The following GABRA1 variants were observed in gnomAD, a reference collection of about 807,000 sequenced individuals.
GABRA1 encodes the protein gamma-aminobutyric acid receptor subunit alpha-1.
A neutral mutation model predicts 48.9 loss-of-function variants in GABRA1; 9 were observed. That is an observed-to-expected ratio of 0.18 (90% CI 0.11 to 0.32). The LOEUF (loss-of-function observed/expected upper bound fraction) is 0.32, where lower values mean the gene tolerates loss of function less well. GABRA1 is among the 10% of genes least tolerant of loss of function. The pLI is 1.00. For synonymous variants in GABRA1, 210 were observed against 198.7 expected, an observed-to-expected ratio of 1.06 and a Z score of -0.48; for missense variants, 285 against 553.8, an observed-to-expected ratio of 0.51 and a Z score of 4.87.
In GABRA1 at chr5:161,865,151, A is replaced by G. The variant is rs180793863; in HGVS notation, c.188-570A>G. ...TTAAGTGAACTTTTTCTGTGCCATA[A>G]TATGTTCTTCTCATCCTGAAAATTG... is the stretch of plus-strand genomic sequence containing the variant. On this transcript the variant is annotated intron_variant, in intron 3 of 9. Transcript: ENST00000393943. Among the ~76,000 whole-genome samples the G allele has an allele frequency of 3.3e-5, 5 of 152,234 alleles. No homozygotes were observed. In the East Asian group the frequency reaches 7.7e-4, roughly 24 times the overall value.
Position 161,897,494 on chromosome 5 carries a change from C to A in GABRA1, c.*72C>A. On this transcript the variant is annotated 3_prime_UTR_variant, in exon 10 of 10. Coordinates refer to ENST00000393943, the MANE Select transcript of GABRA1 (RefSeq NM_001127644.2). ...ATTTATGTTCTCAACGCAGTAATTC[C>A]CATCTGCTTTATTGCCTCTGTCTTA... 1 of 1,345,402 alleles carries A rather than the reference C, an allele frequency of 7.4e-7. No homozygotes were observed. Among genetic ancestry groups the A allele is most frequent in the Non-Finnish European group, 1.1e-6 (1 of 941,978 alleles). 83.3% of individuals were successfully genotyped at this position (1,345,402 alleles called of 1,614,324 possible). A position where few individuals can be genotyped will look rare whatever the true frequency, so the allele number is the denominator to read the frequency against.
intron 7 of GABRA1, among the ~76,000 whole-genome samples, chr5:161,883,325 G>A (rs966247701): frequency 3.3e-4 from 50 of 152,130 alleles, no homozygotes; most frequent in Non-Finnish European, 8.8e-5. Flanking sequence ...TTAAAAGTAG[G>A]TAGCATGCCA....
intron 3 of GABRA1, among the ~76,000 whole-genome samples, chr5:161,863,550 T>G (rs887728822): frequency 2.0e-5 from 3 of 152,002 alleles, no homozygotes; most frequent in Non-Finnish European, 4.4e-5. Context: ...CCCAAGCCAT[T>G]CATGGGGATC....
At chr5:161,874,144 T>A (rs909543758) in intron 5 of GABRA1, among the ~76,000 whole-genome samples, 2 of 152,184 alleles carry the variant, frequency 1.3e-5, no homozygotes, top group South Asian at 4.1e-4. Flanking sequence ...TTTTCAATTA[T>A]TTCTTTGGTA....
intron 2 of GABRA1, among the ~76,000 whole-genome samples, chr5:161,852,401 G>A (rs1283613099): frequency 6.6e-6 from 1 of 151,820 alleles, no homozygotes; most frequent in African/African-American, 2.4e-5. Context: ...TCTTCTTATT[G>A]TATTGCTTTC....
At chr5:161,851,892 C>T (rs1375040058) in intron 2 of GABRA1, among the ~76,000 whole-genome samples, 1 of 152,020 alleles carries the variant, frequency 6.6e-6, no homozygotes, top group Non-Finnish European at 1.5e-5. Flanking sequence ...TTGCAATGAC[C>T]TGTAGATGGA....
chr5:161,848,996 GA>G (rs778778021), intron 1 of GABRA1: 3 of 455,346 alleles, frequency 6.6e-6, no homozygotes, highest in South Asian at 4.6e-5. Context: ...TTCTGAACAC[GA>G]AAACTCAACT....
rs201136274 is a variant in GABRA1, at chr5:161,893,004, C to CAAAAAA, written c.856+1956_856+1961dup. Reference sequence around the variant, plus strand: ...GGAGCAACAGAGCGAGACTCCTTCTCAAAAAAATAATAATAATAATAATAA... The same window carrying CAAAAAA: ...GGAGCAACAGAGCGAGACTCCTTCTCAAAAAAAAAAAAATAATAATAATAATAATAA... On this transcript the variant is annotated intron_variant, in intron 8 of 9. Transcript: ENST00000393943. Among the ~76,000 whole-genome samples the CAAAAAA allele has an allele frequency of 5.6e-4, 19 of 33,960 alleles. 1 individual carries two copies. The highest frequency in any genetic ancestry group is 2.2e-3 in the African/African-American group (15 of 6,676). The allele number at this position is 33,960 out of a possible 152,430, so 22.3% of individuals were successfully genotyped here.
intron 4 of GABRA1, among the ~76,000 whole-genome samples, chr5:161,869,878 A>G (rs778783942): frequency 1.2e-4 from 19 of 152,256 alleles, no homozygotes; most frequent in Non-Finnish European, 2.5e-4. Flanking sequence ...TTTTGTTTTT[A>G]GTTAACTTGG....
chr5:161,884,070 A>G (rs1754732833), intron 7 of GABRA1, among the ~76,000 whole-genome samples: 1 of 152,082 alleles, frequency 6.6e-6, no homozygotes, highest in South Asian at 2.1e-4. Context: ...CTAAGTAATG[A>G]TAGTCCTGTA....
intron 1 of GABRA1, chr5:161,848,780 T>C (rs1336735694): frequency 9.6e-6 from 3 of 311,334 alleles, no homozygotes; most frequent in South Asian, 2.4e-5. Flanking sequence ...CTTTTATTTA[T>C]TTATTTATTT....
At chr5:161,874,896 A>G (rs1310418774) in intron 5 of GABRA1, among the ~76,000 whole-genome samples, 1 of 152,134 alleles carries the variant, frequency 6.6e-6, no homozygotes, top group Non-Finnish European at 1.5e-5. Flanking sequence ...AAAAAACAAA[A>G]CAAAACAAGA....
At chr5:161,861,060 C>T (rs1176065672) in intron 3 of GABRA1, among the ~76,000 whole-genome samples, 1 of 151,670 alleles carries the variant, frequency 6.6e-6, no homozygotes, top group African/African-American at 2.4e-5. Context: ...CACAGAATGC[C>T]ATTTTTGGAA....
chr5:161,857,109 T>C (rs1208785988), intron 3 of GABRA1, among the ~76,000 whole-genome samples: 1 of 151,350 alleles, frequency 6.6e-6, no homozygotes, highest in East Asian at 1.9e-4. Context: ...TAAGTGAGAT[T>C]ATCATTAGCT....
At chr5:161,883,589 A>G (rs1362724933) in intron 7 of GABRA1, among the ~76,000 whole-genome samples, 1 of 152,190 alleles carries the variant, frequency 6.6e-6, no homozygotes, top group Non-Finnish European at 1.5e-5. Flanking sequence ...AACGAGGGTC[A>G]AGAATTATTT....
At chr5:161,864,064 T>C (rs1757960954) in intron 3 of GABRA1, among the ~76,000 whole-genome samples, 1 of 151,948 alleles carries the variant, frequency 6.6e-6, no homozygotes, top group Non-Finnish European at 1.5e-5. Flanking sequence ...AAAGGAGATA[T>C]ATTAGAGAGG....
At chr5:161,887,036 C>G (rs1397567392) in intron 7 of GABRA1, among the ~76,000 whole-genome samples, 1 of 152,044 alleles carries the variant, frequency 6.6e-6, no homozygotes, top group East Asian at 1.9e-4. Context: ...CGAAGCATAA[C>G]AATATCAGTG....
At position 161,897,350 on chromosome 5, in the gene GABRA1, C is replaced by T; in HGVS notation, c.1299C>T (p.Ile433=). Residue 433 remains isoleucine (I), a synonymous_variant, in exon 10 of 10, where the codon ATC becomes ATT. Transcript: ENST00000393943. ...SRIAFPLLFG[I]FNLVYWATYL... ...TAGCCTTCCCGCTGCTATTTGGAAT[C>T]TTTAACTTAGTCTACTGGGCTACGT... is the stretch of plus-strand genomic sequence containing the variant. 1 of 1,614,188 alleles carries T rather than the reference C, an allele frequency of 6.2e-7. No homozygotes were observed. The highest frequency in any genetic ancestry group is 8.5e-7 in the Non-Finnish European group (1 of 1,180,006).
chr5:161,890,464 A>G (rs1472889975), intron 7 of GABRA1, among the ~76,000 whole-genome samples: 1 of 152,106 alleles, frequency 6.6e-6, no homozygotes, highest in Admixed American at 6.5e-5. Flanking sequence ...GTCCTGATGT[A>G]CACGCCAAAG....
Sources: gnomAD v4.1 joint callset for allele counts (sites outside exome capture counted in the v4.1 genomes callset) on GRCh38, gnomAD v4.1.1 for gene constraint, MANE v1.5 for transcripts, NCBI Gene and HGNC (gene_info 2026-07-23, HGNC 2026-07-21) for gene names.